RPS6KC1: variants seen among roughly 807,000 people sequenced by gnomAD.
The protein encoded by RPS6KC1 is inactive ribosomal protein S6 kinase delta-1.
In RPS6KC1, 54 loss-of-function variants were observed where a neutral mutation model predicts 103.8. The ratio of observed to expected loss-of-function variants is 0.52; its 90% confidence interval spans 0.42 to 0.65. RPS6KC1 has a LOEUF of 0.65. Among genes scored for constraint, RPS6KC1 ranks in the 30% least tolerant of loss-of-function variants. The pLI is 0.00. For synonymous variants in RPS6KC1, 439 were observed against 438.7 expected (o/e 1.00, Z -0.01); for missense variants, 1,151 against 1,253.8 (o/e 0.92, Z 1.24).
At chr1:213,502,238 A>G in the RPS6KC1 span, among the ~76,000 whole-genome samples, 1 of 152,218 alleles carries the variant, frequency 6.6e-6, no homozygotes, top group Non-Finnish European at 1.5e-5. Context: ...CCTCTATCTT[A>G]GAGTAAGACT....
chr1:213,517,376 A>G, the RPS6KC1 span, among the ~76,000 whole-genome samples: 2 of 152,060 alleles, frequency 1.3e-5, no homozygotes, highest in African/African-American at 4.8e-5. Flanking sequence ...AGTGCTATAA[A>G]TTTCCCTCTA....
At chr1:213,278,823 G>A (rs557834652), downstream of RPS6KC1, among the ~76,000 whole-genome samples, 2 of 152,298 alleles carry the variant, frequency 1.3e-5, no homozygotes, top group African/African-American at 4.8e-5. Context: ...GGAGCTGCAG[G>A]AAGCCTTCCT....
downstream of RPS6KC1, among the ~76,000 whole-genome samples, chr1:213,276,938 A>T (rs1192645231): frequency 6.6e-6 from 1 of 152,170 alleles, no homozygotes. Context: ...CTCATCTGTC[A>T]TATTTTGTGT....
At chr1:213,052,284 G>C (rs1003713819) in intron 1 of RPS6KC1, among the ~76,000 whole-genome samples, 1 of 152,148 alleles carries the variant, frequency 6.6e-6, no homozygotes, top group Non-Finnish European at 1.5e-5. Context: ...TATGTGTATA[G>C]TAGGCATTTT....
At chr1:213,446,131 G>T in the RPS6KC1 span, among the ~76,000 whole-genome samples, 4 of 152,246 alleles carry the variant, frequency 2.6e-5, no homozygotes, top group East Asian at 5.8e-4. Flanking sequence ...GGGCTTCAAG[G>T]GCCTGCATGA....
the RPS6KC1 span, among the ~76,000 whole-genome samples, chr1:213,327,236 A>AAAAGAAAG: frequency 0.27 from 39,585 of 144,450 alleles, 5,663 homozygotes; most frequent in Middle Eastern, 0.33. Flanking sequence ...GAAAGAAAAG[A>AAAAGAAAG]AAAGAAAGAA....
intron 8 of RPS6KC1, among the ~76,000 whole-genome samples, chr1:213,186,407 GT>G (rs1184290722): frequency 6.6e-6 from 1 of 151,998 alleles, no homozygotes; most frequent in African/African-American, 2.4e-5. Context: ...TGAAAATGTT[GT>G]TTCACTCTTG....
At chr1:213,785,906 C>A in the RPS6KC1 span, among the ~76,000 whole-genome samples, 1 of 152,072 alleles carries the variant, frequency 6.6e-6, no homozygotes, top group Non-Finnish European at 1.5e-5. Flanking sequence ...AAAATTGAAG[C>A]TCTTATTGCT....
the RPS6KC1 span, among the ~76,000 whole-genome samples, chr1:213,706,197 A>G: frequency 6.6e-6 from 1 of 152,142 alleles, no homozygotes; most frequent in Admixed American, 6.5e-5. Flanking sequence ...ACTGCCTTTC[A>G]AGTTTTTATA....
intron 3 of RPS6KC1, among the ~76,000 whole-genome samples, chr1:213,084,446 A>G (rs952347960): frequency 2.6e-5 from 4 of 152,044 alleles, no homozygotes; most frequent in African/African-American, 9.7e-5. Context: ...TAATTTTTTA[A>G]TGAGCTATTC....
chr1:213,294,995 C>T, the RPS6KC1 span, among the ~76,000 whole-genome samples: 1 of 152,030 alleles, frequency 6.6e-6, no homozygotes, highest in Non-Finnish European at 1.5e-5. Context: ...CACTCAGTGG[C>T]TCCCTGTGAT....
the RPS6KC1 span, among the ~76,000 whole-genome samples, chr1:213,425,747 CT>C: frequency 6.6e-6 from 1 of 152,182 alleles, no homozygotes; most frequent in East Asian, 1.9e-4. Flanking sequence ...CTTTGCCAAC[CT>C]TCCCCCGCCT....
At chr1:213,280,041 C>A in the RPS6KC1 span, among the ~76,000 whole-genome samples, 1 of 152,000 alleles carries the variant, frequency 6.6e-6, no homozygotes. Context: ...GGCATCCTAC[C>A]CTGTGGTATA....
the RPS6KC1 span, among the ~76,000 whole-genome samples, chr1:213,750,504 G>A: frequency 1.2e-4 from 19 of 152,208 alleles, no homozygotes; most frequent in Non-Finnish European, 2.2e-4. Context: ...GAGACGATGA[G>A]GACCCCAGCC....
intron 8 of RPS6KC1, among the ~76,000 whole-genome samples, chr1:213,227,049 A>G (rs1352417662): frequency 6.6e-6 from 1 of 152,232 alleles, no homozygotes; most frequent in Non-Finnish European, 1.5e-5. Context: ...TCCAGAGAGT[A>G]CAATCAGTTT....
At chr1:213,688,065 A>C in the RPS6KC1 span, among the ~76,000 whole-genome samples, 2 of 152,090 alleles carry the variant, frequency 1.3e-5, no homozygotes, top group African/African-American at 4.8e-5. Context: ...ATTTTCATTT[A>C]ATTAGCTTCC....
At chr1:213,098,214 C>T (rs2081647198) in intron 3 of RPS6KC1, among the ~76,000 whole-genome samples, 1 of 151,972 alleles carries the variant, frequency 6.6e-6, no homozygotes, top group Non-Finnish European at 1.5e-5. Context: ...CTTTGGGACT[C>T]AAGCAGTCCT....
chr1:213,407,725 C>G, the RPS6KC1 span, among the ~76,000 whole-genome samples: 2 of 152,096 alleles, frequency 1.3e-5, no homozygotes, highest in East Asian at 1.9e-4. Flanking sequence ...CTAAGTAGGG[C>G]TCTTCTTGCC....
the RPS6KC1 span, among the ~76,000 whole-genome samples, chr1:213,674,960 C>A: frequency 6.6e-6 from 1 of 152,036 alleles, no homozygotes; most frequent in Non-Finnish European, 1.5e-5. Context: ...CTGTTCGTGT[C>A]CTTTGCCCAT....
Sources: allele counts gnomAD v4.1 joint callset (sites outside exome capture counted in the v4.1 genomes callset), GRCh38; gene constraint gnomAD v4.1.1; transcripts MANE v1.5; gene names NCBI Gene and HGNC (gene_info 2026-07-23, HGNC 2026-07-21).